Variants in MGAT4C observed in about 807,000 individuals in gnomAD.
MGAT4C encodes MGAT4 family member C, also known as alpha-1,3-mannosyl-glycoprotein 4-beta-N-acetylglucosaminyltransferase C.
A neutral mutation model predicts 40.1 loss-of-function variants in MGAT4C; 19 were observed. The ratio of observed to expected loss-of-function variants is 0.47; its 90% CI spans 0.33 to 0.70. The LOEUF (loss-of-function observed/expected upper bound fraction) is 0.70, where lower values mean the gene tolerates loss of function less well. MGAT4C is among the 30% of genes least tolerant of loss of function. MGAT4C has a pLI of 0.02. For synonymous variants in MGAT4C, 181 were observed against 187.1 expected, an observed-to-expected ratio of 0.97 and a Z score of 0.27; for missense variants, 491 against 563.2, an observed-to-expected ratio of 0.87 and a Z score of 1.30.
chr12:86,809,637 G>T (rs1403779341), intron 1 of MGAT4C, among the ~76,000 whole-genome samples: 1 of 151,832 alleles, frequency 6.6e-6, no homozygotes, highest in South Asian at 2.1e-4. Context: ...TAATAATGTT[G>T]AATAGCTTTT....
intron 2 of MGAT4C, among the ~76,000 whole-genome samples, chr12:86,588,243 A>G (rs944376246): frequency 2.6e-5 from 4 of 151,894 alleles, no homozygotes; most frequent in Non-Finnish European, 5.9e-5. Flanking sequence ...AAAAGGCAGG[A>G]TTTGCAATCC....
chr12:86,478,572 T>G (rs1957881274), intron 2 of MGAT4C, among the ~76,000 whole-genome samples: 1 of 152,146 alleles, frequency 6.6e-6, no homozygotes, highest in Admixed American at 6.6e-5. Flanking sequence ...GTAGTTCATC[T>G]AAATTTTAAA....
intron 3 of MGAT4C, among the ~76,000 whole-genome samples, chr12:86,356,526 A>G (rs1324732416): frequency 1.3e-5 from 2 of 152,082 alleles, no homozygotes; most frequent in Non-Finnish European, 2.9e-5. Context: ...GCAGGGCATC[A>G]CTTCACATGG....
chr12:86,674,744 C>T (rs1344670170), intron 2 of MGAT4C, among the ~76,000 whole-genome samples: 4 of 152,016 alleles, frequency 2.6e-5, no homozygotes, highest in Non-Finnish European at 5.9e-5. Flanking sequence ...TAATTCTGGT[C>T]TAATCATCCA....
At chr12:86,359,503 A>T (rs1955404213) in intron 3 of MGAT4C, among the ~76,000 whole-genome samples, 1 of 149,380 alleles carries the variant, frequency 6.7e-6, no homozygotes, top group African/African-American at 2.4e-5. Flanking sequence ...AGATAGAGAC[A>T]TAAAAAAAAA....
At chr12:86,646,319 T>C (rs1963543084) in intron 2 of MGAT4C, among the ~76,000 whole-genome samples, 1 of 151,866 alleles carries the variant, frequency 6.6e-6, no homozygotes, top group Non-Finnish European at 1.5e-5. Flanking sequence ...GCATAAAAAT[T>C]CACCTAATTT....
chr12:86,197,651 C>T (rs1159568003), intron 1 of MGAT4C, among the ~76,000 whole-genome samples: 4 of 152,136 alleles, frequency 2.6e-5, no homozygotes, highest in Non-Finnish European at 5.9e-5. Flanking sequence ...TATAAGCCAC[C>T]TTACTCTATG....
At chr12:86,564,713 C>A (rs1000214584) in intron 2 of MGAT4C, among the ~76,000 whole-genome samples, 4 of 152,196 alleles carry the variant, frequency 2.6e-5, no homozygotes, top group African/African-American at 9.7e-5. Context: ...GAAAGATTCA[C>A]AATGCCTAGT....
chr12:86,163,415 C>T (rs981212782), intron 1 of MGAT4C, among the ~76,000 whole-genome samples: 6 of 152,034 alleles, frequency 3.9e-5, no homozygotes, highest in Admixed American at 1.3e-4. Flanking sequence ...AGGTCTTGAA[C>T]GACTGTCCTG....
intron 3 of MGAT4C, among the ~76,000 whole-genome samples, chr12:86,356,577 G>T (rs1013919970): frequency 1.3e-5 from 2 of 152,134 alleles, no homozygotes; most frequent in African/African-American, 2.4e-5. Flanking sequence ...CTAGCCAAGG[G>T]TAGCCGTGAC....
intron 1 of MGAT4C, among the ~76,000 whole-genome samples, chr12:86,821,295 A>G (rs1952701664): frequency 6.6e-6 from 1 of 150,944 alleles, no homozygotes; most frequent in African/African-American, 2.4e-5. Flanking sequence ...TATAGGTTGC[A>G]CTGATAAGTG....
At chr12:86,385,850 A>G (rs1211048957) in intron 3 of MGAT4C, among the ~76,000 whole-genome samples, 1 of 152,192 alleles carries the variant, frequency 6.6e-6, no homozygotes, top group African/African-American at 2.4e-5. Context: ...TGTGACTAAG[A>G]TGTGTGTCTT....
chr12:86,365,071 A>T (rs537426292), intron 3 of MGAT4C, among the ~76,000 whole-genome samples: 1 of 152,174 alleles, frequency 6.6e-6, no homozygotes, highest in Non-Finnish European at 1.5e-5. Flanking sequence ...GGCTTATTTC[A>T]TCCCTACAGC....
At chr12:86,662,871 C>T (rs971779889) in intron 2 of MGAT4C, among the ~76,000 whole-genome samples, 2 of 152,170 alleles carry the variant, frequency 1.3e-5, no homozygotes, top group Non-Finnish European at 2.9e-5. Flanking sequence ...AAAATGAACA[C>T]TATTACTCTT....
intron 1 of MGAT4C, among the ~76,000 whole-genome samples, chr12:86,061,256 G>T (rs1194008074): frequency 6.6e-6 from 1 of 152,158 alleles, no homozygotes; most frequent in Non-Finnish European, 1.5e-5. Context: ...AGTGCAAGGG[G>T]TTGGGGAATT....
At chr12:86,305,406 T>C (rs1592674640) in intron 4 of MGAT4C, among the ~76,000 whole-genome samples, 1 of 140,822 alleles carries the variant, frequency 7.1e-6, no homozygotes, top group Non-Finnish European at 1.5e-5. Flanking sequence ...ACTATAGCAC[T>C]CCAGCCTGGG....
intron 1 of MGAT4C, among the ~76,000 whole-genome samples, chr12:86,766,329 A>G (rs1266086565): frequency 2.6e-5 from 4 of 152,116 alleles, no homozygotes; most frequent in African/African-American, 9.7e-5. Context: ...TATCCTAAAT[A>G]TATATGCACC....
At chr12:86,391,296 C>G (rs1461792616) in intron 3 of MGAT4C, among the ~76,000 whole-genome samples, 1 of 152,206 alleles carries the variant, frequency 6.6e-6, no homozygotes, top group African/African-American at 2.4e-5. Flanking sequence ...GGATTTTCTA[C>G]TTACCTGATT....
At chr12:86,459,716 A>C in intron 2 of MGAT4C, among the ~76,000 whole-genome samples, 1 of 70,752 alleles carries the variant, frequency 1.4e-5, no homozygotes, top group Non-Finnish European at 2.6e-5. Flanking sequence ...ACCCACCCAC[A>C]TGCGCATACA....
Sources: gnomAD v4.1 joint callset for allele counts (sites outside exome capture counted in the v4.1 genomes callset) on GRCh38, gnomAD v4.1.1 for gene constraint, MANE v1.5 for transcripts, NCBI Gene and HGNC (gene_info 2026-07-23, HGNC 2026-07-21) for gene names.